Variants in PCDH15 observed in about 807,000 individuals in gnomAD.
PCDH15 encodes protocadherin related 15, also known as protocadherin-15.
In PCDH15, 129 loss-of-function variants were observed where a neutral mutation model predicts 178.5. The ratio of observed to expected loss-of-function variants is 0.72; its 90% confidence interval spans 0.63 to 0.84. The LOEUF (loss-of-function observed/expected upper bound fraction) is 0.84, where lower values mean the gene tolerates loss of function less well. PCDH15 is among the 40% of genes least tolerant of loss of function. PCDH15 has a pLI of 0.00. For synonymous variants in PCDH15, 800 were observed against 732.0 expected (o/e 1.09, Z -1.50); for missense variants, 2,230 against 2,099.9 (o/e 1.06, Z -1.21).
At chr10:53,948,008 C>T (rs577257279) in intron 23 of PCDH15, among the ~76,000 whole-genome samples, 10 of 152,142 alleles carry the variant, frequency 6.6e-5, no homozygotes, top group East Asian at 5.8e-4. Context: ...CATAAGAATG[C>T]GCTGGAGAAA....
intron 7 of PCDH15, among the ~76,000 whole-genome samples, chr10:54,328,867 T>C (rs1319836): frequency 0.67 from 102,267 of 151,604 alleles, 35,224 homozygotes; most frequent in Middle Eastern, 0.81. Context: ...AACATTGAGC[T>C]GCATAATTCC....
At chr10:54,985,113 A>T (rs2077738024) in intron 2 of PCDH15, among the ~76,000 whole-genome samples, 1 of 152,110 alleles carries the variant, frequency 6.6e-6, no homozygotes, top group Non-Finnish European at 1.5e-5. Context: ...ATATTAGAGT[A>T]TTTTTTGACC....
intron 2 of PCDH15, among the ~76,000 whole-genome samples, chr10:54,595,275 G>A (rs998232993): frequency 2.6e-5 from 4 of 152,184 alleles, no homozygotes; most frequent in African/African-American, 9.7e-5. Context: ...TTGATCCACA[G>A]GTAATAGCTG....
chr10:55,260,996 T>C (rs1368428564), intron 1 of PCDH15, among the ~76,000 whole-genome samples: 1 of 152,110 alleles, frequency 6.6e-6, no homozygotes, highest in African/African-American at 2.4e-5. Context: ...TATTGAATAG[T>C]GATGCTTCTG....
At chr10:54,202,910 ACTGT>A (rs1305624061) in intron 10 of PCDH15, among the ~76,000 whole-genome samples, 1 of 152,080 alleles carries the variant, frequency 6.6e-6, no homozygotes, top group Admixed American at 6.6e-5. Flanking sequence ...TTTTTATCAA[ACTGT>A]CTGTGGTGGT....
chr10:54,025,149 C>T (rs2135348476), intron 18 of PCDH15, among the ~76,000 whole-genome samples: 1 of 152,250 alleles, frequency 6.6e-6, no homozygotes, highest in African/African-American at 2.4e-5. Context: ...GTGTTTTATA[C>T]ATGTCCAGCT....
chr10:53,941,003 T>C (rs1469141744), intron 23 of PCDH15, 28 bp from the exon 24 acceptor site: 1 of 1,429,200 alleles, frequency 7.0e-7, no homozygotes, highest in South Asian at 1.2e-5. Context: ...ATGATGTATT[T>C]ATTTTTAAAT....
intron 2 of PCDH15, among the ~76,000 whole-genome samples, chr10:55,103,272 C>T (rs1402173453): frequency 6.6e-6 from 1 of 152,074 alleles, no homozygotes; most frequent in Non-Finnish European, 1.5e-5. Flanking sequence ...CTGCCATTGT[C>T]TAATATCAAT....
intron 2 of PCDH15, among the ~76,000 whole-genome samples, chr10:55,047,195 A>C (rs1841030072): frequency 6.6e-6 from 1 of 151,900 alleles, no homozygotes; most frequent in South Asian, 2.1e-4. Context: ...GTATGGTTGA[A>C]ATACTTAATA....
At chr10:54,162,400 A>C (rs1184492707) in intron 13 of PCDH15, among the ~76,000 whole-genome samples, 4 of 152,166 alleles carry the variant, frequency 2.6e-5, no homozygotes, top group African/African-American at 9.6e-5. Flanking sequence ...CATGGAAGAA[A>C]AGCAGAATGT....
intron 2 of PCDH15, among the ~76,000 whole-genome samples, chr10:54,662,258 C>T (rs995883199): frequency 6.6e-6 from 1 of 151,676 alleles, no homozygotes; most frequent in Non-Finnish European, 1.5e-5. Flanking sequence ...CAGACACTTC[C>T]CAAAAGAAGA....
chr10:55,018,523 A>G (rs1840241381), intron 2 of PCDH15, among the ~76,000 whole-genome samples: 1 of 151,904 alleles, frequency 6.6e-6, no homozygotes. Context: ...AGTATTTTCA[A>G]TCTGTGGTTG....
intron 3 of PCDH15, among the ~76,000 whole-genome samples, chr10:54,414,896 C>A (rs2135706339): frequency 6.6e-6 from 1 of 151,826 alleles, no homozygotes; most frequent in South Asian, 2.1e-4. Flanking sequence ...ATTTTAAAAG[C>A]AGATTAAAAA....
intron 2 of PCDH15, among the ~76,000 whole-genome samples, chr10:55,375,666 TC>T: frequency 6.6e-6 from 1 of 152,202 alleles, no homozygotes; most frequent in South Asian, 2.1e-4. Context: ...TGCACTGGTT[TC>T]CCCTCCACAG....
At chr10:55,325,199 T>C (rs1843998770) in intron 2 of PCDH15, among the ~76,000 whole-genome samples, 1 of 152,096 alleles carries the variant, frequency 6.6e-6, no homozygotes, top group Admixed American at 6.6e-5. Flanking sequence ...AATGACACTC[T>C]TTAAATAATG....
At chr10:55,265,530 A>G (rs1842266368) in intron 1 of PCDH15, among the ~76,000 whole-genome samples, 1 of 152,018 alleles carries the variant, frequency 6.6e-6, no homozygotes, top group South Asian at 2.1e-4. Context: ...AGCATCAGGG[A>G]AGGGGGCAAA....
At chr10:54,895,968 C>G (rs1954537665) in intron 3 of PCDH15, among the ~76,000 whole-genome samples, 1 of 152,006 alleles carries the variant, frequency 6.6e-6, no homozygotes, top group Non-Finnish European at 1.5e-5. Context: ...CTCACCACAA[C>G]CTCCGCCTCC....
At chr10:55,198,509 C>A (rs1170085350) in intron 1 of PCDH15, among the ~76,000 whole-genome samples, 1 of 152,010 alleles carries the variant, frequency 6.6e-6, no homozygotes, top group African/African-American at 2.4e-5. Flanking sequence ...TTTTTTGAGA[C>A]GGAGTCTCGC....
At chr10:55,523,869 T>G (rs767093551) in intron 2 of PCDH15, among the ~76,000 whole-genome samples, 1 of 151,596 alleles carries the variant, frequency 6.6e-6, no homozygotes, top group South Asian at 2.1e-4. Flanking sequence ...AGGATAGTAA[T>G]GTCATCTCCT....
Sources: allele counts gnomAD v4.1 joint callset (sites outside exome capture counted in the v4.1 genomes callset), GRCh38; gene constraint gnomAD v4.1.1; transcripts MANE v1.5; gene names NCBI Gene and HGNC (gene_info 2026-07-23, HGNC 2026-07-21).